Variants in ANO2 observed in about 807,000 individuals in gnomAD.
ANO2 encodes the protein anoctamin-2.
A neutral mutation model predicts 124.2 loss-of-function variants in ANO2; 101 were observed. The ratio of observed to expected loss-of-function variants is 0.81; its 90% CI spans 0.69 to 0.96. The LOEUF is 0.96. ANO2 is among the 40% of genes least tolerant of loss of function. The pLI, the probability that ANO2 is intolerant of heterozygous loss-of-function variation, is 0.00. For missense variants in ANO2, 1,293 were observed against 1,274.5 expected (o/e 1.01, Z -0.22); for synonymous variants, 486 against 482.5 (o/e 1.01, Z -0.09).
intron 10 of ANO2, among the ~76,000 whole-genome samples, chr12:5,752,813 CCT>C (rs917137807): frequency 6.6e-6 from 1 of 151,946 alleles, no homozygotes; most frequent in Non-Finnish European, 1.5e-5. Flanking sequence ...GCTTTTTTCC[CCT>C]GTTTTCTTTT....
At chr12:5,771,564 G>C (rs976336661) in intron 10 of ANO2, among the ~76,000 whole-genome samples, 1 of 152,088 alleles carries the variant, frequency 6.6e-6, no homozygotes, top group Admixed American at 6.5e-5. Context: ...TGGATCACTT[G>C]AGGTCAAGAT....
At chr12:5,760,049 T>A (rs1951694491) in intron 10 of ANO2, among the ~76,000 whole-genome samples, 2 of 152,170 alleles carry the variant, frequency 1.3e-5, no homozygotes, top group Non-Finnish European at 2.9e-5. Context: ...TAAAAGGCAA[T>A]TCACTACTTA....
At chr12:5,857,180 C>A (rs1255759982) in intron 3 of ANO2, among the ~76,000 whole-genome samples, 1 of 152,132 alleles carries the variant, frequency 6.6e-6, no homozygotes, top group East Asian at 1.9e-4. Context: ...ATAATTTTTT[C>A]CTTGTCCCCC....
At chr12:5,719,886 C>T (rs913719872) in intron 14 of ANO2, among the ~76,000 whole-genome samples, 13 of 152,198 alleles carry the variant, frequency 8.5e-5, no homozygotes, top group African/African-American at 2.9e-4. Flanking sequence ...TTCTGGGCTG[C>T]CTTCCCTTGT....
intron 4 of ANO2, among the ~76,000 whole-genome samples, chr12:5,832,942 C>T (rs1219822134): frequency 6.6e-6 from 1 of 152,204 alleles, no homozygotes; most frequent in African/African-American, 2.4e-5. Flanking sequence ...AACTCCAATG[C>T]TTACAGCAAC....
chr12:5,847,244 C>T (rs371773397), intron 4 of ANO2, among the ~76,000 whole-genome samples: 62 of 152,274 alleles, frequency 4.1e-4, no homozygotes, highest in African/African-American at 1.5e-3. Context: ...TCAGTCTTTT[C>T]CTGCCTTCAA....
chr12:5,695,943 G>A (rs1281197950), intron 14 of ANO2, among the ~76,000 whole-genome samples: 2 of 152,154 alleles, frequency 1.3e-5, no homozygotes, highest in East Asian at 1.9e-4. Flanking sequence ...TTTGCTCACT[G>A]ATGAATCCAC....
intron 10 of ANO2, among the ~76,000 whole-genome samples, chr12:5,793,161 T>C (rs1006530197): frequency 1.3e-5 from 2 of 152,178 alleles, no homozygotes; most frequent in African/African-American, 2.4e-5. Context: ...TCTGTGCAGC[T>C]CCAGGAAGCA....
intron 16 of ANO2, among the ~76,000 whole-genome samples, chr12:5,621,700 G>A (rs1166801200): frequency 6.6e-6 from 1 of 152,174 alleles, no homozygotes; most frequent in African/African-American, 2.4e-5. Flanking sequence ...TTGGGGGACT[G>A]CTGAAGGACT....
chr12:5,865,627 A>T (rs1348694578), intron 3 of ANO2, among the ~76,000 whole-genome samples: 6 of 152,088 alleles, frequency 3.9e-5, no homozygotes, highest in Non-Finnish European at 8.8e-5. Context: ...TCATGCCATC[A>T]CACCATCATA....
chr12:5,929,296 T>C, intron 1 of ANO2, among the ~76,000 whole-genome samples: 1 of 129,054 alleles, frequency 7.7e-6, no homozygotes, highest in African/African-American at 3.6e-5. Context: ...TCCTTATTAG[T>C]CACTTTCTTA....
At chr12:5,927,281 C>T (rs1307960689) in intron 1 of ANO2, among the ~76,000 whole-genome samples, 1 of 152,194 alleles carries the variant, frequency 6.6e-6, no homozygotes, top group East Asian at 1.9e-4. Flanking sequence ...TGTTTCATAT[C>T]AGTGGCCTCA....
intron 3 of ANO2, among the ~76,000 whole-genome samples, chr12:5,902,035 G>A (rs577107362): frequency 6.6e-6 from 1 of 152,328 alleles, no homozygotes; most frequent in East Asian, 1.9e-4. Context: ...GAGCAAAAGA[G>A]GCAGTTTATA....
At chr12:5,689,972 C>T (rs1285968868) in intron 14 of ANO2, among the ~76,000 whole-genome samples, 2 of 152,140 alleles carry the variant, frequency 1.3e-5, no homozygotes, top group Admixed American at 6.5e-5. Flanking sequence ...CCCATGTGGG[C>T]AGTGTGAGAG....
chr12:5,936,079 A>G (rs1942638584), intron 1 of ANO2, among the ~76,000 whole-genome samples: 2 of 152,310 alleles, frequency 1.3e-5, no homozygotes, highest in South Asian at 4.1e-4. Context: ...TCATTTTAAA[A>G]TCAGGTTCAT....
chr12:5,639,612 G>T (rs1003551570), intron 15 of ANO2, among the ~76,000 whole-genome samples: 3 of 152,122 alleles, frequency 2.0e-5, no homozygotes, highest in African/African-American at 7.2e-5. Context: ...AATACCTAAA[G>T]GAAGGATTTA....
chr12:5,914,317 C>T (rs1941250934), intron 3 of ANO2, among the ~76,000 whole-genome samples: 2 of 152,212 alleles, frequency 1.3e-5, no homozygotes, highest in African/African-American at 2.4e-5. Flanking sequence ...CCCCCTTTGA[C>T]TCAGTGCTGC....
intron 3 of ANO2, among the ~76,000 whole-genome samples, chr12:5,917,006 G>C (rs118083374): frequency 2.1e-4 from 32 of 152,182 alleles, no homozygotes; most frequent in Admixed American, 2.0e-3. Flanking sequence ...AGGGACGCTG[G>C]GGGAGGCTGT....
rs117870630 is a variant in ANO2 at position 5,891,618 on chromosome 12, A to T, written c.534+29422T>A. 4.3e-4 allele frequency among the ~76,000 whole-genome samples: 65 copies of T among 152,310 alleles called. 2 individuals carry two copies. In the East Asian group the frequency reaches 0.012, roughly 28 times the overall value. The stretch of plus-strand genomic sequence containing the variant: ...CTAAAGCTGCATGTGCATGGATCTG[A>T]TCCTAAATAGCACACTATATACCCT... On this transcript the variant is annotated intron_variant, in intron 3 of 24. Coordinates refer to ENST00000682330, the MANE Select transcript of ANO2 (RefSeq NM_001364791.2).
Sources: allele counts gnomAD v4.1 joint callset (sites outside exome capture counted in the v4.1 genomes callset), GRCh38; gene constraint gnomAD v4.1.1; transcripts MANE v1.5; gene names NCBI Gene and HGNC (gene_info 2026-07-23, HGNC 2026-07-21).